The following EIPR1 variants were observed in gnomAD, a reference collection of about 807,000 sequenced individuals.
EIPR1 encodes EARP and GARP complex-interacting protein 1.
EIPR1 carries 25 observed loss-of-function variants against 48.1 expected under a neutral mutation model. The ratio of observed to expected loss-of-function variants is 0.52; its 90% CI spans 0.38 to 0.73. The LOEUF is 0.73. Among genes scored for constraint, EIPR1 ranks in the 30% least tolerant of loss-of-function variants. EIPR1 has a pLI of 0.00. For synonymous variants in EIPR1, 204 were observed against 201.9 expected (o/e 1.01, Z -0.09); for missense variants, 415 against 506.2 (o/e 0.82, Z 1.73).
At chr2:3,313,719 CAGTA>C (rs1325283029) in intron 3 of EIPR1, among the ~76,000 whole-genome samples, 1 of 152,110 alleles carries the variant, frequency 6.6e-6, no homozygotes, top group Non-Finnish European at 1.5e-5. Flanking sequence ...CTGAGATGCA[CAGTA>C]AGTGTTTGGA....
intron 3 of EIPR1, among the ~76,000 whole-genome samples, chr2:3,283,944 T>TACAA (rs1668093543): frequency 1.1e-5 from 1 of 92,906 alleles, no homozygotes; most frequent in Non-Finnish European, 2.1e-5. Flanking sequence ...AGACTACATC[T>TACAA]AAAAAAAAAA....
chr2:3,266,385 C>T (rs553914851), intron 3 of EIPR1, among the ~76,000 whole-genome samples: 1 of 152,228 alleles, frequency 6.6e-6, no homozygotes, highest in South Asian at 2.1e-4. Context: ...GATGCAGGTA[C>T]GCCTCGGGGT....
intron 4 of EIPR1, among the ~76,000 whole-genome samples, chr2:3,253,308 T>C (rs1049615105): frequency 1.3e-5 from 2 of 152,244 alleles, no homozygotes; most frequent in Non-Finnish European, 2.9e-5. Flanking sequence ...ATGTATTTGA[T>C]TGATGTCTCA....
intron 3 of EIPR1, among the ~76,000 whole-genome samples, chr2:3,270,357 C>T (rs571622402): frequency 4.6e-5 from 7 of 152,264 alleles, no homozygotes; most frequent in South Asian, 2.1e-4. Flanking sequence ...GTGTGCTCTG[C>T]GGGGTACCTC....
At chr2:3,347,199 C>T (rs1310255803) in intron 2 of EIPR1, among the ~76,000 whole-genome samples, 2 of 152,134 alleles carry the variant, frequency 1.3e-5, no homozygotes, top group Non-Finnish European at 2.9e-5. Context: ...CTCTTTTCTT[C>T]ATGAATTACC....
At chr2:3,241,326 C>T (rs1012666276) in intron 4 of EIPR1, among the ~76,000 whole-genome samples, 10 of 152,222 alleles carry the variant, frequency 6.6e-5, no homozygotes, top group Non-Finnish European at 1.0e-4. Flanking sequence ...GCTCCTTTAT[C>T]GTATCTTTCA....
intron 3 of EIPR1, among the ~76,000 whole-genome samples, chr2:3,278,861 G>GC (rs1667937027): frequency 6.6e-6 from 1 of 152,142 alleles, no homozygotes; most frequent in Non-Finnish European, 1.5e-5. Flanking sequence ...GTCACGGGGG[G>GC]CACTGCCCAA....
chr2:3,362,049 C>A (rs1670863964), intron 1 of EIPR1, among the ~76,000 whole-genome samples: 1 of 152,234 alleles, frequency 6.6e-6, no homozygotes, highest in Non-Finnish European at 1.5e-5. Flanking sequence ...GAATCTGGTG[C>A]CCAGGCACAT....
At chr2:3,357,805 T>A (rs1670764298) in intron 1 of EIPR1, among the ~76,000 whole-genome samples, 1 of 143,830 alleles carries the variant, frequency 7.0e-6, no homozygotes, top group South Asian at 2.3e-4. Context: ...CTGAAGTTTT[T>A]CTTTTAACAG....
At chr2:3,309,365 GTAAC>G (rs1398625174) in intron 3 of EIPR1, among the ~76,000 whole-genome samples, 4 of 152,168 alleles carry the variant, frequency 2.6e-5, no homozygotes, top group East Asian at 1.9e-4. Context: ...CAAAAACACT[GTAAC>G]TAAATCAAAA....
chr2:3,291,898 G>A (rs1668375829), intron 3 of EIPR1, among the ~76,000 whole-genome samples: 1 of 152,254 alleles, frequency 6.6e-6, no homozygotes, highest in Non-Finnish European at 1.5e-5. Flanking sequence ...CACAGCAGGT[G>A]GCACAGCTGG....
chr2:3,237,221 T>TACAC (rs35498711), intron 4 of EIPR1, among the ~76,000 whole-genome samples: 20,073 of 127,614 alleles, frequency 0.16, 1,695 homozygotes, highest in African/African-American at 0.21. Context: ...TTTTGAAAAC[T>TACAC]ACACACACAC....
At chr2:3,257,029 C>A (rs2103219171) in intron 4 of EIPR1, among the ~76,000 whole-genome samples, 1 of 152,318 alleles carries the variant, frequency 6.6e-6, no homozygotes, top group East Asian at 1.9e-4. Flanking sequence ...GTGCCTGACC[C>A]TTTACCCTCT....
chr2:3,211,097 G>A (rs1665438560), intron 5 of EIPR1, among the ~76,000 whole-genome samples: 1 of 152,066 alleles, frequency 6.6e-6, no homozygotes, highest in Non-Finnish European at 1.5e-5. Context: ...TCGCAAACCT[G>A]CACATGCACC....
At chr2:3,303,514 G>A (rs1416315452) in intron 3 of EIPR1, among the ~76,000 whole-genome samples, 1 of 152,232 alleles carries the variant, frequency 6.6e-6, no homozygotes, top group Non-Finnish European at 1.5e-5. Context: ...GTCCCCTCAC[G>A]CTGCCACGTC....
intron 3 of EIPR1, among the ~76,000 whole-genome samples, chr2:3,315,165 AT>A (rs1361037388): frequency 9.3e-3 from 1 of 108 alleles, no homozygotes; most frequent in Non-Finnish European, 0.033. Flanking sequence ...GCCTACCATC[AT>A]CACCACCCCC....
At chr2:3,301,109 AT>A (rs1189877477) in intron 3 of EIPR1, 6 of 152,136 alleles carry the variant, frequency 3.9e-5, no homozygotes. Context: ...AGTTCCAAAA[AT>A]GTTTTGGGAA....
At chr2:3,240,388 T>C (rs367637855) in intron 4 of EIPR1, among the ~76,000 whole-genome samples, 54 of 104,894 alleles carry the variant, frequency 5.1e-4, no homozygotes, top group Middle Eastern at 7.5e-3. Flanking sequence ...CAGCAGATCC[T>C]TCCTAAAGCA....
At chr2:3,358,295 G>A (rs1670776017) in intron 1 of EIPR1, among the ~76,000 whole-genome samples, 1 of 152,144 alleles carries the variant, frequency 6.6e-6, no homozygotes, top group Non-Finnish European at 1.5e-5. Flanking sequence ...CATCTCTTGG[G>A]TGTCCACTGC....
Sources: allele counts gnomAD v4.1 joint callset (sites outside exome capture counted in the v4.1 genomes callset), GRCh38; gene constraint gnomAD v4.1.1; transcripts MANE v1.5; gene names NCBI Gene and HGNC (gene_info 2026-07-23, HGNC 2026-07-21).